Variants in CYP7B1 observed in about 807,000 individuals in gnomAD.
CYP7B1 encodes cytochrome P450 7B1.
CYP7B1 carries 29 observed loss-of-function variants against 42.7 expected under a neutral mutation model. The ratio of observed to expected loss-of-function variants is 0.68; its 90% CI spans 0.51 to 0.93. CYP7B1 has a LOEUF of 0.93. Ranked by LOEUF, CYP7B1 falls within the 40% of genes least tolerant of loss-of-function variation. CYP7B1 has a pLI of 0.00. For synonymous variants in CYP7B1, 235 were observed against 218.2 expected (o/e 1.08, Z -0.68); for missense variants, 655 against 600.5 (o/e 1.09, Z -0.95).
At position 64,736,471 on chromosome 8, in the gene CYP7B1, G is replaced by A. The variant is rs183222262; in HGVS notation, c.122+61995C>T. 7.8e-3 allele frequency among the ~76,000 whole-genome samples: 1,183 copies of A among 152,200 alleles called. 10 individuals are homozygous for A. The highest frequency in any genetic ancestry group is 0.011 in the Non-Finnish European group (714 of 68,000). On this transcript the variant is annotated intron_variant, in intron 1 of 5. Transcript: ENST00000310193. ...ATTTTTATTTATTTTATTTTTTTGAGACAGACTTTTGCTCTGTTGCCCAGG... is the reference window on the plus strand; with the variant it reads ...ATTTTTATTTATTTTATTTTTTTGAAACAGACTTTTGCTCTGTTGCCCAGG...
At chr8:64,752,578 G>A (rs536607746) in intron 1 of CYP7B1, among the ~76,000 whole-genome samples, 60 of 152,112 alleles carry the variant, frequency 3.9e-4, no homozygotes, top group African/African-American at 1.3e-3. Flanking sequence ...TGAGGTAGGT[G>A]GTAAGAGATA....
chr8:64,665,543 G>GT (rs989479536), intron 1 of CYP7B1, among the ~76,000 whole-genome samples: 1,818 of 46,170 alleles, frequency 0.039, 54 homozygotes, highest in African/African-American at 0.12. Context: ...CATTTTAAGT[G>GT]TTTTTTTTTT....
At chr8:64,724,353 G>A (rs1019152994) in intron 1 of CYP7B1, among the ~76,000 whole-genome samples, 1 of 152,030 alleles carries the variant, frequency 6.6e-6, no homozygotes, top group African/African-American at 2.4e-5. Flanking sequence ...CACCATGTTG[G>A]CCAGGCTTGT....
chr8:64,768,889 C>A (rs1804156634), intron 1 of CYP7B1, among the ~76,000 whole-genome samples: 1 of 152,218 alleles, frequency 6.6e-6, no homozygotes, highest in Admixed American at 6.5e-5. Flanking sequence ...GTGGCTCTAA[C>A]TTCCTGGTGG....
intron 4 of CYP7B1, among the ~76,000 whole-genome samples, chr8:64,608,391 C>T (rs1019930555): frequency 2.0e-5 from 3 of 152,194 alleles, no homozygotes; most frequent in Admixed American, 6.5e-5. Context: ...CTGCCTCACA[C>T]TTAGGCCCTG....
chr8:64,741,380 C>T (rs148703226), intron 1 of CYP7B1, among the ~76,000 whole-genome samples: 1,622 of 151,940 alleles, frequency 0.011, 25 homozygotes, highest in African/African-American at 0.037. Context: ...AGTGTAATGG[C>T]GCGATCTCGG....
At chr8:64,797,167 C>A (rs1804717532) in intron 1 of CYP7B1, among the ~76,000 whole-genome samples, 2 of 152,156 alleles carry the variant, frequency 1.3e-5, no homozygotes. Context: ...CTACCTTGCC[C>A]TTTTGCCTTC....
intron 1 of CYP7B1, among the ~76,000 whole-genome samples, chr8:64,631,241 G>A (rs1805690995): frequency 1.3e-5 from 2 of 152,020 alleles, no homozygotes; most frequent in African/African-American, 2.4e-5. Context: ...TATACACCAT[G>A]AGCAAGTGGA....
At chr8:64,793,505 T>A (rs1008442455) in intron 1 of CYP7B1, among the ~76,000 whole-genome samples, 3 of 152,136 alleles carry the variant, frequency 2.0e-5, no homozygotes, top group African/African-American at 7.2e-5. Flanking sequence ...GAAGTGGGTA[T>A]CTGTACCTAA....
rs1228093423 is a variant in CYP7B1, at chr8:64,616,241, C to T, written c.300G>A (p.Gln100=). The T allele has an allele frequency of 6.2e-7, 1 of 1,607,068 alleles. No individual in the cohort carries two copies. The highest frequency in any genetic ancestry group is 8.5e-7 in the Non-Finnish European group (1 of 1,177,122). ...ITFILDPFQY[Q]LVIKNHKQLS... Reference sequence around the variant, plus strand: ...ATTGTTTATGATTTTTTATCACTAGCTGGTACTGGAAGGGGTCCAGGATAA... The same window carrying T: ...ATTGTTTATGATTTTTTATCACTAGTTGGTACTGGAAGGGGTCCAGGATAA... Residue 100 remains glutamine, a synonymous_variant, in exon 3 of 6, where the codon CAG becomes CAA. Coordinates refer to ENST00000310193, the MANE Select transcript of CYP7B1 (RefSeq NM_004820.5).
chr8:64,725,931 CCA>C (rs1256138415), intron 1 of CYP7B1, among the ~76,000 whole-genome samples: 2 of 152,194 alleles, frequency 1.3e-5, no homozygotes, highest in Non-Finnish European at 2.9e-5. Context: ...GCTCTGCTCA[CCA>C]CAACAATCCG....
At chr8:64,650,279 T>TA (rs1806018377) in intron 1 of CYP7B1, among the ~76,000 whole-genome samples, 1 of 152,226 alleles carries the variant, frequency 6.6e-6, no homozygotes, top group Non-Finnish European at 1.5e-5. Flanking sequence ...TCAAATAATA[T>TA]ACAGATTACT....
At position 64,596,745 on chromosome 8, in the gene CYP7B1, T is replaced by C. The variant is rs779868563; in HGVS notation, c.1418A>G (p.Glu473Gly). ...TCCTATGGGCTTATCATCAATTATT[T>C]CTAAATCAAAATAAGTTAAAAGTAT... is the stretch of plus-strand genomic sequence containing the variant. ...LVILLTYFDL[E>G]IIDDKPIGLN... The change falls in exon 6 of 6, where the codon GAA becomes GGA. Residue 473 changes from glutamate (E) to glycine (G), a missense_variant. By Grantham distance (98) the Glu-to-Gly change is moderately conservative. Coordinates refer to ENST00000310193, the MANE Select transcript of CYP7B1 (RefSeq NM_004820.5). 8 of 1,613,910 alleles carry C rather than the reference T, an allele frequency of 5.0e-6. No individual in the cohort carries two copies. Among genetic ancestry groups the C allele is most frequent in the South Asian group, 3.3e-5 (3 of 91,050 alleles).
rs747238529 is a variant in CYP7B1 at position 64,592,186 on chromosome 8, T to TA, written c.*4455dup. On this transcript the variant is annotated 3_prime_UTR_variant, in exon 6 of 6. Coordinates refer to ENST00000310193, the MANE Select transcript of CYP7B1 (RefSeq NM_004820.5). ...CTGGGCGACAGAGCAAGACTCCATC[T>TA]AAAAAAAAAAAAGGATGGGATTTTA... Among the ~76,000 whole-genome samples the TA allele has an allele frequency of 1.7e-3, 241 of 140,802 alleles. 1 individual carries two copies. Among genetic ancestry groups the TA allele is most frequent in the South Asian group, 3.6e-3 (16 of 4,390 alleles). The allele number at this position is 140,802 out of a possible 152,430, so 92.4% of individuals were successfully genotyped here.
At chr8:64,758,193 C>A (rs117372351) in intron 1 of CYP7B1, among the ~76,000 whole-genome samples, 2 of 152,216 alleles carry the variant, frequency 1.3e-5, no homozygotes, top group East Asian at 3.9e-4. Flanking sequence ...TCCACTGCCC[C>A]TTTATGGAGG....
chr8:64,742,080 A>G (rs1222087275), intron 1 of CYP7B1, among the ~76,000 whole-genome samples: 1 of 152,206 alleles, frequency 6.6e-6, no homozygotes, highest in African/African-American at 2.4e-5. Context: ...ATCTATGATT[A>G]TGAAAAATAG....
intron 1 of CYP7B1, among the ~76,000 whole-genome samples, chr8:64,762,937 T>A (rs1807910811): frequency 6.6e-6 from 1 of 152,162 alleles, no homozygotes; most frequent in Admixed American, 6.5e-5. Context: ...AGAAGGTGAA[T>A]AAAAAAGTGT....
Position 64,798,466 on chromosome 8 carries a change from CT to C in CYP7B1, c.121del (p.Arg41GlyfsTer8). On this transcript the variant is annotated frameshift_variant and splice_region_variant, in exon 1 of 6. Coordinates refer to ENST00000310193, the MANE Select transcript of CYP7B1 (RefSeq NM_004820.5). LOFTEE classifies it high-confidence loss of function. ...LALCLLVRRT[R>X]RPGEPPLIKG... ...GTGGCCTGGCGGCCGAGGCGCTTACCTGGTGCGCCGGACAAGCAAGCAGAGG... is the reference window on the plus strand; with the variant it reads ...GTGGCCTGGCGGCCGAGGCGCTTACCGGTGCGCCGGACAAGCAAGCAGAGG... 6.6e-7 allele frequency: 1 copy of C among 1,511,990 alleles called. No individual in the cohort carries two copies. The highest frequency in any genetic ancestry group is 2.6e-5 in the East Asian group (1 of 37,842). 93.7% of individuals were successfully genotyped at this position (1,511,990 alleles called of 1,614,324 possible).
chr8:64,669,961 CT>C (rs1806340899), intron 1 of CYP7B1, among the ~76,000 whole-genome samples: 1 of 152,144 alleles, frequency 6.6e-6, no homozygotes, highest in Non-Finnish European at 1.5e-5. Context: ...CCAGATTTGC[CT>C]TTTTGTTTCA....
Sources: allele counts gnomAD v4.1 joint callset (sites outside exome capture counted in the v4.1 genomes callset), GRCh38; gene constraint gnomAD v4.1.1; transcripts MANE v1.5; gene names NCBI Gene and HGNC (gene_info 2026-07-23, HGNC 2026-07-21).